The following MANSC4 variants were observed in gnomAD, a reference collection of about 807,000 sequenced individuals.
MANSC4 encodes MANSC domain containing 4.
In MANSC4, 11 loss-of-function variants were observed where a neutral mutation model predicts 11.4. The ratio of observed to expected loss-of-function variants is 0.97; its 90% CI spans 0.61 to 1.60. The LOEUF (loss-of-function observed/expected upper bound fraction) is 1.60. Ranked by LOEUF, MANSC4 falls within the 40% of genes most tolerant of loss-of-function variation. The pLI, the probability that MANSC4 is intolerant of heterozygous loss-of-function variation, is 0.00. For missense variants in MANSC4, 354 were observed against 404.6 expected, an observed-to-expected ratio of 0.88 and a Z score of 1.07; for synonymous variants, 123 against 147.1, an observed-to-expected ratio of 0.84 and a Z score of 1.19.
chr12:27,775,291 G>T (rs913362041), intron 1 of MANSC4, among the ~76,000 whole-genome samples: 1 of 151,974 alleles, frequency 6.6e-6, no homozygotes, highest in African/African-American at 2.4e-5. Context: ...CAAACCAATG[G>T]TCTTGGCTGG....
chr12:27,772,375 C>T (rs954176389), intron 1 of MANSC4, among the ~76,000 whole-genome samples: 3 of 152,196 alleles, frequency 2.0e-5, no homozygotes, highest in Non-Finnish European at 4.4e-5. Context: ...TTCTTTTATA[C>T]CTTTTTATAC....
chr12:27,766,788 G>C lies in MANSC4; in HGVS notation c.241C>G (p.Leu81Val). The C allele has an allele frequency of 6.4e-7, 1 of 1,550,756 alleles. No homozygotes were observed. Among genetic ancestry groups the C allele is most frequent in the Non-Finnish European group, 8.7e-7 (1 of 1,146,792 alleles). Residue 81 changes from leucine (L) to valine (V), a missense_variant, in exon 3 of 4, where the codon CTG becomes GTG. Physicochemically the swap from Leu to Val is conservative, Grantham distance 32. Coordinates refer to ENST00000381273, the MANE Select transcript of MANSC4 (RefSeq NM_001146221.5). ...ATAGGACTGTGGTAGAAGACAGCCAGGTTACAGGAAACTGAAAGGGAAACA... is the reference window on the plus strand; with the variant it reads ...ATAGGACTGTGGTAGAAGACAGCCACGTTACAGGAAACTGAAAGGGAAACA... ...CCLRKDVSCN[L>V]AVFYHSPIHD...
In MANSC4 at chr12:27,780,060, CG is replaced by C. The variant is rs2140808482; in HGVS notation, c.-307+149del. 6.3e-6 allele frequency: 1 copy of C among 159,488 alleles called. No homozygotes were observed. The highest frequency in any genetic ancestry group is 1.4e-5 in the Non-Finnish European group (1 of 73,382). The allele number at this position is 159,488 out of a possible 1,614,324, so 9.9% of individuals were successfully genotyped here. A position where few individuals can be genotyped will look rare whatever the true frequency, so the allele number is the denominator to read the frequency against. On this transcript the variant is annotated intron_variant, in intron 1 of 3. Transcript: ENST00000381273. The surrounding 1 kb of genome is among the most constrained non-coding windows in gnomAD (Gnocchi z 8.8). ...AATTCCCTTCCCGCCTGGCGCCGCC[CG>C]GGAGAGCCCGCGCGAGGACGCCCGC...
At position 27,771,212 on chromosome 12, in the gene MANSC4, G is replaced by A; in HGVS notation, c.65C>T (p.Ser22Phe). 2 of 1,551,950 alleles carry A rather than the reference G, an allele frequency of 1.3e-6. No homozygotes were observed. The highest frequency in any genetic ancestry group is 1.7e-6 in the Non-Finnish European group (2 of 1,147,096). Residue 22 changes from serine to phenylalanine, a missense_variant, in exon 2 of 4, where the codon TCT (serine) becomes TTT (phenylalanine). Ser to Phe is a radical substitution (Grantham distance 155). Coordinates refer to ENST00000381273, the MANE Select transcript of MANSC4 (RefSeq NM_001146221.5). The part of the protein sequence containing the change: ...LLLSMGWTSD[S>F]LCSPTIFYRD... Reference sequence around the variant, plus strand: ...GTAAAAAATTGTGGGTGAGCAGAGAGAGTCTGATGTCCACCCCATGCTTAG... The same window carrying A: ...GTAAAAAATTGTGGGTGAGCAGAGAAAGTCTGATGTCCACCCCATGCTTAG...
chr12:27,767,617 C>T (rs184753605), intron 2 of MANSC4, among the ~76,000 whole-genome samples: 30 of 152,134 alleles, frequency 2.0e-4, no homozygotes, highest in Admixed American at 1.0e-3. Context: ...GCAGGAGAAT[C>T]GCTTAAACCC....
chr12:27,766,933 G>A, intron 2 of MANSC4, 134 bp from the exon 3 acceptor site: 2 of 917,478 alleles, frequency 2.2e-6, no homozygotes, highest in Non-Finnish European at 3.2e-6. Flanking sequence ...CAGACATTTT[G>A]CAGAATGTTT....
At chr12:27,768,173 G>A (rs983944284) in intron 2 of MANSC4, among the ~76,000 whole-genome samples, 5 of 152,100 alleles carry the variant, frequency 3.3e-5, no homozygotes, top group Admixed American at 1.3e-4. Flanking sequence ...CCAAGGTGGC[G>A]GATCACTTGA....
rs548172565 is a variant in MANSC4, at chr12:27,765,964, T to C, written c.364+701A>G. ...GTCAGCACATGGTGGTAAGTTTCCCTGAACCTGACATCCCTCTTTTCCAAA... is the reference window on the plus strand; with the variant it reads ...GTCAGCACATGGTGGTAAGTTTCCCCGAACCTGACATCCCTCTTTTCCAAA... On this transcript the variant is annotated intron_variant, in intron 3 of 3. Transcript: ENST00000381273. Among the ~76,000 whole-genome samples the C allele has an allele frequency of 1.6e-3, 237 of 152,292 alleles. 2 individuals carry two copies. The highest frequency in any genetic ancestry group is 5.5e-3 in the African/African-American group (227 of 41,568).
chr12:27,779,069 A>G (rs2062131996), intron 1 of MANSC4, among the ~76,000 whole-genome samples: 1 of 152,126 alleles, frequency 6.6e-6, no homozygotes, highest in Non-Finnish European at 1.5e-5. Context: ...GGGTTTCACC[A>G]TGTTGGCCAT....
intron 2 of MANSC4, among the ~76,000 whole-genome samples, chr12:27,768,326 C>G (rs1012654803): frequency 6.7e-6 from 1 of 149,580 alleles, no homozygotes; most frequent in African/African-American, 2.5e-5. Context: ...TCACTTGAAC[C>G]CAGGAGGCAG....
rs576671563 is a variant in MANSC4 at position 27,780,187 on chromosome 12, G to A, written c.-307+23C>T. The stretch of plus-strand genomic sequence containing the variant: ...GGGAGGAGGGGCCGCCGGAGAGGCC[G>A]GGCGAGCGCGGGCGGCCCTCACCTC... On this transcript the variant is annotated intron_variant, in intron 1 of 3. Coordinates refer to ENST00000381273, the MANE Select transcript of MANSC4 (RefSeq NM_001146221.5). The surrounding 1 kb of genome is among the most constrained non-coding windows in gnomAD (Gnocchi z 8.8). The A allele has an allele frequency of 6.0e-5, 30 of 503,382 alleles. No individual in the cohort carries two copies. In the South Asian group the frequency reaches 2.6e-3, roughly 44 times the overall value. 31.2% of individuals were successfully genotyped at this position (503,382 alleles called of 1,614,324 possible). A position where few individuals can be genotyped will look rare whatever the true frequency, so the allele number is the denominator to read the frequency against.
chr12:27,777,630 A>C (rs371786471), intron 1 of MANSC4, among the ~76,000 whole-genome samples: 3 of 152,240 alleles, frequency 2.0e-5, no homozygotes, highest in African/African-American at 7.2e-5. Flanking sequence ...GCCAGGTGAA[A>C]CAAGGTGAAG....
At chr12:27,772,988 T>C (rs2062106478) in intron 1 of MANSC4, among the ~76,000 whole-genome samples, 1 of 152,240 alleles carries the variant, frequency 6.6e-6, no homozygotes, top group Non-Finnish European at 1.5e-5. Context: ...AAGCCACAAT[T>C]GTTTAACCCT....
intron 2 of MANSC4, among the ~76,000 whole-genome samples, chr12:27,769,183 C>A (rs1353626892): frequency 6.6e-6 from 1 of 152,194 alleles, no homozygotes; most frequent in Non-Finnish European, 1.5e-5. Flanking sequence ...CAAACACATT[C>A]CCTGAGAACT....
chr12:27,779,001 T>C (rs547292634), intron 1 of MANSC4, among the ~76,000 whole-genome samples: 2 of 152,314 alleles, frequency 1.3e-5, no homozygotes, highest in South Asian at 4.1e-4. Context: ...CCCGAGTAGC[T>C]GGGATCACAG....
chr12:27,772,817 T>C (rs866711000), intron 1 of MANSC4, among the ~76,000 whole-genome samples: 7 of 152,346 alleles, frequency 4.6e-5, no homozygotes, highest in Middle Eastern at 6.8e-3. Context: ...TTTATGAGAT[T>C]CCATGGCTAT....
intron 2 of MANSC4, among the ~76,000 whole-genome samples, chr12:27,767,310 A>C (rs914548264): frequency 1.3e-5 from 2 of 152,174 alleles, no homozygotes; most frequent in African/African-American, 4.8e-5. Context: ...ATTTTCTCAA[A>C]GTAATCTTTC....
At chr12:27,765,661 A>G (rs1338620765) in intron 3 of MANSC4, among the ~76,000 whole-genome samples, 1 of 152,208 alleles carries the variant, frequency 6.6e-6, no homozygotes, top group Non-Finnish European at 1.5e-5. Flanking sequence ...TGTCTTAACA[A>G]TAATTGTAAG....
chr12:27,762,698 A>G lies in MANSC4; in HGVS notation c.*40T>C, dbSNP rs1160840949. 6.9e-7 allele frequency: 1 copy of G among 1,442,614 alleles called. No homozygotes were observed. Among genetic ancestry groups the G allele is most frequent in the Non-Finnish European group, 9.1e-7 (1 of 1,093,400 alleles). The allele number at this position is 1,442,614 out of a possible 1,614,324, so 89.4% of individuals were successfully genotyped here. Reference sequence around the variant, plus strand: ...TGCGTTTTCTTACACAAAACTAAAAATGATATCCTTGAAAGCATATAATCT... The same window carrying G: ...TGCGTTTTCTTACACAAAACTAAAAGTGATATCCTTGAAAGCATATAATCT... On this transcript the variant is annotated 3_prime_UTR_variant, in exon 4 of 4. Coordinates refer to ENST00000381273, the MANE Select transcript of MANSC4 (RefSeq NM_001146221.5).
Sources: allele counts gnomAD v4.1 joint callset (sites outside exome capture counted in the v4.1 genomes callset), GRCh38; gene constraint gnomAD v4.1.1; non-coding constraint Gnocchi (gnomAD v3.1); transcripts MANE v1.5; gene names NCBI Gene and HGNC (gene_info 2026-07-23, HGNC 2026-07-21).